Variants in TXK observed in about 807,000 individuals in gnomAD.
TXK encodes TXK tyrosine kinase, also known as tyrosine-protein kinase TXK.
Under a neutral mutation model 81.0 loss-of-function variants are expected in TXK, and 60 were observed. That is an observed-to-expected ratio of 0.74 (90% CI 0.60 to 0.92). The LOEUF (loss-of-function observed/expected upper bound fraction) is 0.92. TXK is among the 40% of genes least tolerant of loss of function. The probability of loss-of-function intolerance (pLI) is 0.00; values close to 1 mark genes in which losing one functional copy is unlikely to be tolerated. For synonymous variants in TXK, 203 were observed against 210.7 expected (o/e 0.96, Z 0.32); for missense variants, 581 against 638.3 (o/e 0.91, Z 0.97).
At chr4:48,097,080 A>G (rs1718009674) in intron 6 of TXK, among the ~76,000 whole-genome samples, 2 of 152,178 alleles carry the variant, frequency 1.3e-5, no homozygotes, top group Admixed American at 1.3e-4. Context: ...ATTAATAAAG[A>G]CAAAACATAA....
At chr4:48,128,722 G>A (rs1408595115) in intron 1 of TXK, among the ~76,000 whole-genome samples, 2 of 151,464 alleles carry the variant, frequency 1.3e-5, no homozygotes, top group Non-Finnish European at 2.9e-5. Context: ...CTGCCACCAC[G>A]CCCGGCTAAT....
rs565497722 is a variant in TXK, at chr4:48,127,071, A to G, written c.16+7084T>C. Among the ~76,000 whole-genome samples, 21 of 152,310 alleles carry G rather than the reference A, an allele frequency of 1.4e-4. No individual in the cohort carries two copies. The South Asian group carries it at 4.1e-3, about 30-fold the overall frequency. ...CCTACCACTGCTTTAATTATGACCC[A>G]ATTTTATTTAATTTCCCTCAAAGTC... On this transcript the variant is annotated intron_variant, in intron 1 of 14. Transcript: ENST00000264316.
chr4:48,067,571 G>T lies in TXK; in HGVS notation c.*66C>A. 1 of 1,503,702 alleles carries T rather than the reference G, an allele frequency of 6.7e-7. No individual in the cohort carries two copies. The highest frequency in any genetic ancestry group is 9.3e-7 in the Non-Finnish European group (1 of 1,079,258). The allele number at this position is 1,503,702 out of a possible 1,614,324, so 93.1% of individuals were successfully genotyped here. Reference sequence around the variant, plus strand: ...TATTCACCATAAGTGACCCCATATGGTGAAGATATTCACAATAAATGACAG... The same window carrying T: ...TATTCACCATAAGTGACCCCATATGTTGAAGATATTCACAATAAATGACAG... On this transcript the variant is annotated 3_prime_UTR_variant, in exon 15 of 15. Coordinates refer to ENST00000264316, the MANE Select transcript of TXK (RefSeq NM_003328.3).
At chr4:48,073,807 A>G (rs1297054706) in intron 13 of TXK, 128 bp downstream of exon 13, 1 of 654,448 alleles carries the variant, frequency 1.5e-6, no homozygotes, top group East Asian at 2.8e-5. Flanking sequence ...TAGAACACAC[A>G]GAAGGAAGCA....
intron 1 of TXK, among the ~76,000 whole-genome samples, chr4:48,116,837 G>T (rs1718826678): frequency 6.6e-6 from 1 of 152,192 alleles, no homozygotes; most frequent in African/African-American, 2.4e-5. Flanking sequence ...GGCAGGGAGA[G>T]AGGCAGACAG....
intron 1 of TXK, among the ~76,000 whole-genome samples, chr4:48,120,198 C>T (rs1718916868): frequency 1.1e-5 from 1 of 92,148 alleles, no homozygotes. Flanking sequence ...TACATACACA[C>T]ATATATACGT....
At chr4:48,087,700 G>T (rs1428065675) in intron 9 of TXK, among the ~76,000 whole-genome samples, 3 of 152,132 alleles carry the variant, frequency 2.0e-5, no homozygotes, top group Non-Finnish European at 2.9e-5. Flanking sequence ...CTCCCAAAGT[G>T]CTGGGATTAT....
At chr4:48,112,230 T>C in intron 4 of TXK, 77 bp downstream of exon 4, 1 of 1,349,752 alleles carries the variant, frequency 7.4e-7, no homozygotes, top group Non-Finnish European at 1.1e-6. Flanking sequence ...GAGGGAAGAG[T>C]TATAAGCCTG....
chr4:48,125,089 T>C (rs994706753), intron 1 of TXK, among the ~76,000 whole-genome samples: 1 of 152,344 alleles, frequency 6.6e-6, no homozygotes, highest in East Asian at 1.9e-4. Flanking sequence ...ACTTACTCAC[T>C]ATACTAACAT....
At position 48,116,813 on chromosome 4, in the gene TXK, G is replaced by A. The variant is rs546630095; in HGVS notation, c.17-2411C>T. ...GCAGCAAACAGCAGGCTGGTGAAAG[G>A]CAGAGAGTGGACCGGCAGGGAGAGA... On this transcript the variant is annotated intron_variant, in intron 1 of 14. Transcript: ENST00000264316. Among the ~76,000 whole-genome samples, 5 of 152,330 alleles carry A rather than the reference G, an allele frequency of 3.3e-5. No individual in the cohort carries two copies. In the East Asian group the frequency reaches 9.6e-4, roughly 29 times the overall value.
At chr4:48,086,762 A>C in intron 9 of TXK, 125 bp from the exon 10 acceptor site, 1 of 838,352 alleles carries the variant, frequency 1.2e-6, no homozygotes, top group Non-Finnish European at 1.8e-6. Context: ...AGTGGAGAGG[A>C]TATGAAGCCA....
intron 8 of TXK, among the ~76,000 whole-genome samples, chr4:48,092,745 G>A (rs764368662): frequency 6.6e-6 from 1 of 152,216 alleles, no homozygotes; most frequent in African/African-American, 2.4e-5. Context: ...TGGATGGCAG[G>A]TAAGGGCAAG....
intron 1 of TXK, among the ~76,000 whole-genome samples, chr4:48,119,703 C>T (rs1718897015): frequency 6.6e-6 from 1 of 152,172 alleles, no homozygotes; most frequent in South Asian, 2.1e-4. Flanking sequence ...ATTTCAGCTG[C>T]TTCTGACTGC....
intron 1 of TXK, among the ~76,000 whole-genome samples, chr4:48,126,395 C>G (rs116788125): frequency 0.014 from 2,108 of 152,246 alleles, 50 homozygotes; most frequent in African/African-American, 0.045. Context: ...ACGTGTTGAT[C>G]AACATTTATG....
chr4:48,077,123 A>T (rs1193362785), intron 11 of TXK, among the ~76,000 whole-genome samples: 1 of 152,254 alleles, frequency 6.6e-6, no homozygotes, highest in Non-Finnish European at 1.5e-5. Context: ...CTCACTAAAG[A>T]TAACTATTTA....
chr4:48,121,200 C>T (rs1211542014), intron 1 of TXK, among the ~76,000 whole-genome samples: 1 of 152,212 alleles, frequency 6.6e-6, no homozygotes, highest in Non-Finnish European at 1.5e-5. Context: ...TTCTAATTAA[C>T]TCCAGACTCA....
chr4:48,080,309 G>A (rs1448850041), intron 10 of TXK, 181 bp from the exon 11 acceptor site: 3 of 602,466 alleles, frequency 5.0e-6, no homozygotes, highest in Non-Finnish European at 5.9e-6. Context: ...AGAATGTGGG[G>A]TCAAGAGTTT....
Position 48,095,297 on chromosome 4 carries a change from C to T in TXK, c.502-75G>A, listed in dbSNP as rs905633859. On this transcript the variant is annotated intron_variant, in intron 6 of 14. Coordinates refer to ENST00000264316, the MANE Select transcript of TXK (RefSeq NM_003328.3). ...AAACCTACAACTCAGGGATGAAAATCAAAGCTATATTGACTTACCATAAAT... is the reference window on the plus strand; with the variant it reads ...AAACCTACAACTCAGGGATGAAAATTAAAGCTATATTGACTTACCATAAAT... 2.2e-5 allele frequency: 25 copies of T among 1,141,884 alleles called. No individual in the cohort carries two copies. The African/African-American group carries it at 2.2e-4, about 10-fold the overall frequency. The allele number at this position is 1,141,884 out of a possible 1,614,324, so 70.7% of individuals were successfully genotyped here.
At chr4:48,076,295 T>C (rs1717065225) in intron 12 of TXK, 107 bp downstream of exon 12, 20 of 874,390 alleles carry the variant, frequency 2.3e-5, no homozygotes, top group Non-Finnish European at 2.6e-5. Flanking sequence ...CCTAGGAAGA[T>C]AAAAACACAG....
Sources: allele counts gnomAD v4.1 joint callset (sites outside exome capture counted in the v4.1 genomes callset), GRCh38; gene constraint gnomAD v4.1.1; transcripts MANE v1.5; gene names NCBI Gene and HGNC (gene_info 2026-07-23, HGNC 2026-07-21).